Variants in DAB1 observed in about 807,000 individuals in gnomAD.
DAB1 encodes disabled homolog 1.
DAB1 carries 15 observed loss-of-function variants against 64.6 expected under a neutral mutation model. The observed-to-expected ratio is 0.23, with a 90% CI of 0.16 to 0.36. The LOEUF is 0.36. DAB1 is among the 10% of genes least tolerant of loss of function. The pLI, the probability that DAB1 is intolerant of heterozygous loss-of-function variation, is 1.00. For missense variants in DAB1, 596 were observed against 706.7 expected, an observed-to-expected ratio of 0.84 and a Z score of 1.78; for synonymous variants, 235 against 251.9, an observed-to-expected ratio of 0.93 and a Z score of 0.64.
intron 4 of DAB1, among the ~76,000 whole-genome samples, chr1:57,125,777 G>A (rs3768168): frequency 0.072 from 10,905 of 152,152 alleles, 609 homozygotes; most frequent in East Asian, 0.26. Flanking sequence ...GAATAAAGTG[G>A]GTTGTATCAC....
chr1:57,934,483 C>T (rs1470435919), intron 5 of DAB1, among the ~76,000 whole-genome samples: 1 of 152,132 alleles, frequency 6.6e-6, no homozygotes, highest in African/African-American at 2.4e-5. Flanking sequence ...TTATAGTATG[C>T]TTATGTGCCA....
intron 4 of DAB1, among the ~76,000 whole-genome samples, chr1:58,294,443 TA>T (rs201101743): frequency 2.0e-4 from 31 of 151,264 alleles, no homozygotes; most frequent in East Asian, 9.7e-4. Flanking sequence ...AGACAATTAA[TA>T]AAAAAAAAGA....
chr1:57,612,264 G>A (rs1197971016), intron 7 of DAB1, among the ~76,000 whole-genome samples: 1 of 151,800 alleles, frequency 6.6e-6, no homozygotes, highest in Non-Finnish European at 1.5e-5. Flanking sequence ...TTCACTGTCT[G>A]TCCCTGTAGT....
At chr1:57,922,569 A>G (rs77138707) in intron 5 of DAB1, among the ~76,000 whole-genome samples, 2,946 of 152,250 alleles carry the variant, frequency 0.019, 66 homozygotes, top group East Asian at 0.081. Flanking sequence ...CCCCGAAAAA[A>G]TGTTCCATGG....
upstream of DAB1, among the ~76,000 whole-genome samples, chr1:57,428,961 G>A (rs1215674272): frequency 6.7e-6 from 1 of 148,812 alleles, no homozygotes; most frequent in African/African-American, 2.5e-5. Context: ...CACCCATTCT[G>A]GAGTGTAGTG....
At chr1:57,728,454 C>T (rs554006863) in intron 6 of DAB1, among the ~76,000 whole-genome samples, 3 of 152,180 alleles carry the variant, frequency 2.0e-5, no homozygotes, top group East Asian at 3.9e-4. Context: ...ATTAGCCCAG[C>T]GTGGTGGCGG....
intron 1 of DAB1, chr1:57,880,650 G>C (rs553035442): frequency 6.6e-6 from 1 of 152,250 alleles, no homozygotes; most frequent in South Asian, 2.1e-4. Flanking sequence ...CGAAAAACAA[G>C]AGTCATCAGT....
rs538267863 is a variant in DAB1 at position 57,759,907 on chromosome 1, A to T, written n.552-110242T>A. 2.0e-5 allele frequency among the ~76,000 whole-genome samples: 3 copies of T among 152,318 alleles called. No homozygotes were observed. In the East Asian group the frequency reaches 5.8e-4, roughly 29 times the overall value. ...GTGAATGATGATTCCTGGGTTTCTGAATGACTGCATACAAGAGCAACGCAT... is the reference window on the plus strand; with the variant it reads ...GTGAATGATGATTCCTGGGTTTCTGTATGACTGCATACAAGAGCAACGCAT... On this transcript the variant is annotated intron_variant and non_coding_transcript_variant, in intron 6 of 20. Coordinates refer to the DAB1 transcript ENST00000485760.
intron 1 of DAB1, among the ~76,000 whole-genome samples, chr1:57,296,663 AT>A (rs1164845676): frequency 2.0e-5 from 3 of 152,306 alleles, no homozygotes; most frequent in African/African-American, 7.2e-5. Flanking sequence ...ATGGTAATAA[AT>A]AATAAACCAT....
chr1:57,454,021 G>T (rs536961010), intron 7 of DAB1, among the ~76,000 whole-genome samples: 121 of 152,156 alleles, frequency 8.0e-4, no homozygotes, highest in Middle Eastern at 3.4e-3. Flanking sequence ...TTCCCTTTCG[G>T]CCTGGAAGAG....
intron 2 of DAB1, among the ~76,000 whole-genome samples, chr1:57,268,980 C>T (rs1558058064): frequency 1.3e-5 from 2 of 152,126 alleles, no homozygotes; most frequent in Non-Finnish European, 2.9e-5. Context: ...AAGTAGGTGC[C>T]ATGACCGAGC....
At chr1:57,228,721 C>T (rs1667450853) in intron 2 of DAB1, among the ~76,000 whole-genome samples, 1 of 152,086 alleles carries the variant, frequency 6.6e-6, no homozygotes, top group South Asian at 2.1e-4. Context: ...ATCCAGCAAT[C>T]TGTTACTAGA....
intron 5 of DAB1, among the ~76,000 whole-genome samples, chr1:58,018,034 A>G (rs1315144473): frequency 6.6e-6 from 1 of 152,210 alleles, no homozygotes; most frequent in Admixed American, 6.5e-5. Context: ...ACAGCTATAA[A>G]GTAAATAGAA....
chr1:57,769,103 C>T (rs1234208618), intron 6 of DAB1, among the ~76,000 whole-genome samples: 1 of 152,152 alleles, frequency 6.6e-6, no homozygotes, highest in East Asian at 1.9e-4. Context: ...TTGTCTCTTG[C>T]TCATAGCAGA....
chr1:57,220,006 A>T (rs1418723035), intron 2 of DAB1, among the ~76,000 whole-genome samples: 1 of 152,226 alleles, frequency 6.6e-6, no homozygotes, highest in East Asian at 1.9e-4. Flanking sequence ...CTAATACATT[A>T]GACTACAAGC....
At chr1:57,544,396 C>G (rs897350662) in intron 7 of DAB1, among the ~76,000 whole-genome samples, 1 of 152,144 alleles carries the variant, frequency 6.6e-6, no homozygotes, top group Non-Finnish European at 1.5e-5. Context: ...TAAAGGCTAA[C>G]AGAAATTAAG....
At position 56,995,660 on chromosome 1, in the gene DAB1, G is replaced by A. The variant is rs1645589179; in HGVS notation, c.*2484C>T. The A allele has an allele frequency of 6.6e-6, 1 of 152,312 alleles. No homozygotes were observed. The highest frequency in any genetic ancestry group is 1.5e-5 in the Non-Finnish European group (1 of 68,036). 9.4% of individuals were successfully genotyped at this position (152,312 alleles called of 1,614,324 possible). ...GTGTCAGAAGCAACCCAAAGAATTG[G>A]TATAATGGTGTGATACTGCAAGACA... On this transcript the variant is annotated 3_prime_UTR_variant, in exon 15 of 15. Transcript: ENST00000371236.
intron 4 of DAB1, among the ~76,000 whole-genome samples, chr1:57,136,187 G>T (rs1402963395): frequency 2.0e-5 from 3 of 152,122 alleles, no homozygotes; most frequent in Non-Finnish European, 4.4e-5. Flanking sequence ...CGAGTCAAAA[G>T]ATGTACATGT....
chr1:58,181,831 T>C (rs1003143047), intron 4 of DAB1, among the ~76,000 whole-genome samples: 8 of 152,042 alleles, frequency 5.3e-5, no homozygotes, highest in African/African-American at 1.7e-4. Flanking sequence ...AAATCAGTTA[T>C]GAGAAAAGAA....
Sources: gnomAD v4.1 joint callset for allele counts (sites outside exome capture counted in the v4.1 genomes callset) on GRCh38, gnomAD v4.1.1 for gene constraint, MANE v1.5 for transcripts, NCBI Gene and HGNC (gene_info 2026-07-23, HGNC 2026-07-21) for gene names.